CLTCL1: variants seen among roughly 807,000 people sequenced by gnomAD.
CLTCL1 encodes clathrin heavy chain like 1.
Under a neutral mutation model 190.0 loss-of-function variants are expected in CLTCL1, and 159 were observed. That is an observed-to-expected ratio of 0.84 (90% CI 0.74 to 0.95). The LOEUF (loss-of-function observed/expected upper bound fraction) is 0.95. Among genes scored for constraint, CLTCL1 ranks in the 40% least tolerant of loss-of-function variants. The pLI is 0.00. For missense variants in CLTCL1, 1,878 were observed against 2,033.4 expected, an observed-to-expected ratio of 0.92 and a Z score of 1.47; for synonymous variants, 752 against 769.6, an observed-to-expected ratio of 0.98 and a Z score of 0.38.
intron 2 of CLTCL1, 126 bp from the exon 3 acceptor site, chr22:19,254,353 G>T: frequency 1.3e-6 from 1 of 797,852 alleles, no homozygotes; most frequent in Non-Finnish European, 1.9e-6. Context: ...GATTAACAGG[G>T]TCTGAAAGAT....
At chr22:19,199,371 G>A (rs557193630) in intron 24 of CLTCL1, among the ~76,000 whole-genome samples, 1 of 152,244 alleles carries the variant, frequency 6.6e-6, no homozygotes, top group South Asian at 2.1e-4. Flanking sequence ...CACACTGTGG[G>A]GAACTAGGCT....
chr22:19,180,912 C>A, intron 30 of CLTCL1, 106 bp from the exon 31 acceptor site: 2 of 940,624 alleles, frequency 2.1e-6, no homozygotes, highest in Admixed American at 1.8e-5. Flanking sequence ...AGGAGAATGA[C>A]AGTGGAGGAG....
chr22:19,203,524 A>T (rs1164930111), intron 22 of CLTCL1, among the ~76,000 whole-genome samples: 1 of 152,062 alleles, frequency 6.6e-6, no homozygotes, highest in Non-Finnish European at 1.5e-5. Flanking sequence ...GCTCCTCCAG[A>T]CAGACGCAGA....
intron 26 of CLTCL1, among the ~76,000 whole-genome samples, chr22:19,194,297 C>T (rs1555934195): frequency 6.6e-6 from 1 of 152,136 alleles, no homozygotes; most frequent in Non-Finnish European, 1.5e-5. Flanking sequence ...GCCTGCCCAA[C>T]ATGGTAAAAC....
chr22:19,260,603 C>T (rs190609881), intron 2 of CLTCL1, among the ~76,000 whole-genome samples: 3 of 151,942 alleles, frequency 2.0e-5, no homozygotes, highest in Admixed American at 6.6e-5. Flanking sequence ...TGGAAAGAAA[C>T]CCCGTCTCTA....
chr22:19,183,709 C>T (rs1040105090), intron 29 of CLTCL1, 98 bp from the exon 30 acceptor site: 6 of 1,152,632 alleles, frequency 5.2e-6, no homozygotes, highest in Non-Finnish European at 7.5e-6. Flanking sequence ...CTAGACTCCA[C>T]CAAGGACTTC....
intron 19 of CLTCL1, among the ~76,000 whole-genome samples, chr22:19,213,502 T>C (rs9618509): frequency 5.9e-5 from 9 of 152,206 alleles, no homozygotes; most frequent in African/African-American, 2.2e-4. Flanking sequence ...GATGTATTCA[T>C]AATAACCTCA....
intron 17 of CLTCL1, 37 bp from the exon 18 acceptor site, chr22:19,220,044 C>G: frequency 2.5e-6 from 4 of 1,612,826 alleles, no homozygotes; most frequent in Non-Finnish European, 3.4e-6. Context: ...ACACAGCAGC[C>G]AACCAGCGGA....
chr22:19,214,638 A>AAGTATAT (rs2085328668), intron 19 of CLTCL1, among the ~76,000 whole-genome samples: 1 of 151,356 alleles, frequency 6.6e-6, no homozygotes, highest in South Asian at 2.1e-4. Flanking sequence ...ATTAGGTCAT[A>AAGTATAT]AGTATATTCT....
chr22:19,291,556 G>A, intron 1 of CLTCL1, 44 bp downstream of exon 1: 1 of 1,327,396 alleles, frequency 7.5e-7, no homozygotes, highest in South Asian at 2.0e-5. Context: ...CGGCCCGGCG[G>A]AGGCGCGGCT....
chr22:19,258,528 C>A, intron 2 of CLTCL1: 1 of 552,004 alleles, frequency 1.8e-6, no homozygotes, highest in Non-Finnish European at 3.4e-6. Context: ...GATGGAGCAG[C>A]TCAACAGGGT....
At chr22:19,185,767 G>C (rs1244954355) in intron 29 of CLTCL1, among the ~76,000 whole-genome samples, 1 of 152,218 alleles carries the variant, frequency 6.6e-6, no homozygotes, top group Admixed American at 6.5e-5. Context: ...CCTGAGTGTT[G>C]AGGAGGCTGT....
At chr22:19,250,387 G>T (rs2086556464) in intron 3 of CLTCL1, among the ~76,000 whole-genome samples, 1 of 147,506 alleles carries the variant, frequency 6.8e-6, no homozygotes, top group Non-Finnish European at 1.5e-5. Flanking sequence ...TGCCCAGGCT[G>T]GAATGCAAAG....
intron 31 of CLTCL1, 51 bp from the exon 32 acceptor site, chr22:19,180,289 G>A (rs1211962346): frequency 2.5e-6 from 4 of 1,603,406 alleles, no homozygotes; most frequent in African/African-American, 1.3e-5. Context: ...TCAGCCGGAC[G>A]CTGGAGACCC....
In CLTCL1 at chr22:19,275,765, C is replaced by T; in HGVS notation, c.108G>A (p.Lys36=). ...CAACTTTCTCTCGGATACATATGAA[C>T]TTGTCAGATTCCATGGTCAGTGTGC... ...GFSTLTMESD[K]FICIREKVGE... Residue 36 remains lysine (K), a synonymous_variant, in exon 2 of 33, where the codon AAG becomes AAA. Transcript: ENST00000427926. The T allele has an allele frequency of 1.9e-6, 3 of 1,610,228 alleles. No homozygotes were observed. Among genetic ancestry groups the T allele is most frequent in the Non-Finnish European group, 2.5e-6 (3 of 1,178,294 alleles).
rs2085591386 is a variant in CLTCL1 at position 19,222,094 on chromosome 22, C to T, written c.2419-1G>A. 1 of 1,613,374 alleles carries T rather than the reference C, an allele frequency of 6.2e-7. No individual in the cohort carries two copies. Among genetic ancestry groups the T allele is most frequent in the African/African-American group, 1.3e-5 (1 of 74,906 alleles). On this transcript the variant is annotated splice_acceptor_variant, in intron 15 of 32. Transcript: ENST00000427926. LOFTEE classifies it high-confidence loss of function. Reference sequence around the variant, plus strand: ...CAGCTGGGGTCCGGCTAGGGTTGACCTAGGGTAGTCAAGGTCAAGTAACTT... The same window carrying T: ...CAGCTGGGGTCCGGCTAGGGTTGACTTAGGGTAGTCAAGGTCAAGTAACTT...
At chr22:19,233,658 A>G (rs782527820) in intron 7 of CLTCL1, 36 bp from the exon 8 acceptor site, 277 of 1,586,088 alleles carry the variant, frequency 1.7e-4, no homozygotes, top group Non-Finnish European at 2.0e-4. Flanking sequence ...ATTGTGTTGT[A>G]ATCACAGGGG....
At chr22:19,192,811 C>T (rs1319472601) in intron 26 of CLTCL1, among the ~76,000 whole-genome samples, 1 of 152,202 alleles carries the variant, frequency 6.6e-6, no homozygotes, top group Non-Finnish European at 1.5e-5. Flanking sequence ...GTGAACTGGC[C>T]GCATCACAAA....
chr22:19,279,102 T>G (rs2087615975), intron 1 of CLTCL1, among the ~76,000 whole-genome samples: 1 of 152,100 alleles, frequency 6.6e-6, no homozygotes, highest in Non-Finnish European at 1.5e-5. Context: ...TAGAATAATA[T>G]AAATGCCCTA....
Sources: gnomAD v4.1 joint callset for allele counts (sites outside exome capture counted in the v4.1 genomes callset) on GRCh38, gnomAD v4.1.1 for gene constraint, MANE v1.5 for transcripts, NCBI Gene and HGNC (gene_info 2026-07-23, HGNC 2026-07-21) for gene names.